Variants in COL11A1 observed in about 807,000 individuals in gnomAD.
COL11A1 encodes collagen type XI alpha 1 chain, also known as collagen alpha-1(XI) chain.
Under a neutral mutation model 265.2 loss-of-function variants are expected in COL11A1, and 74 were observed. That is an observed-to-expected ratio of 0.28 (90% confidence interval 0.23 to 0.34). COL11A1 has a LOEUF of 0.34. Among genes scored for constraint, COL11A1 ranks in the 10% least tolerant of loss-of-function variants. The probability of loss-of-function intolerance (pLI) is 1.00; values close to 1 mark genes in which losing one functional copy is unlikely to be tolerated. For synonymous variants in COL11A1, 816 were observed against 727.6 expected (o/e 1.12, Z -1.96); for missense variants, 2,165 against 2,263.6 (o/e 0.96, Z 0.88).
At chr1:102,938,487 T>C (rs1658380974) in intron 44 of COL11A1, among the ~76,000 whole-genome samples, 1 of 152,194 alleles carries the variant, frequency 6.6e-6, no homozygotes, top group Admixed American at 6.5e-5. Context: ...TATCATCATC[T>C]AACATATTTC....
intron 41 of COL11A1, chr1:102,961,649 C>T (rs1660919222): frequency 1.9e-6 from 1 of 514,912 alleles, no homozygotes; most frequent in Non-Finnish European, 3.5e-6. Context: ...CTTTTACCTC[C>T]TGACAGCAGC....
intron 4 of COL11A1, among the ~76,000 whole-genome samples, chr1:103,073,806 G>A (rs1384123785): frequency 6.6e-6 from 1 of 151,886 alleles, no homozygotes; most frequent in African/African-American, 2.4e-5. Flanking sequence ...ATATATGTGT[G>A]TGTACACATC....
chr1:102,945,096 A>C (rs1339578858), intron 42 of COL11A1, among the ~76,000 whole-genome samples: 1 of 152,190 alleles, frequency 6.6e-6, no homozygotes, highest in Non-Finnish European at 1.5e-5. Flanking sequence ...TCACCAAAAA[A>C]ACATCTTTTG....
chr1:102,908,584 A>T (rs1459467849), intron 54 of COL11A1, among the ~76,000 whole-genome samples: 1 of 152,130 alleles, frequency 6.6e-6, no homozygotes. Flanking sequence ...ATCTTTTTCC[A>T]TATAGAAAAT....
At position 102,970,968 on chromosome 1, in the gene COL11A1, G is replaced by T. The variant is rs369528223; in HGVS notation, c.2809-696C>A. Among the ~76,000 whole-genome samples, 7 of 151,938 alleles carry T rather than the reference G, an allele frequency of 4.6e-5. No individual in the cohort carries two copies. The East Asian group carries it at 1.4e-3, about 29-fold the overall frequency. On this transcript the variant is annotated intron_variant, in intron 36 of 66. Coordinates refer to ENST00000370096, the MANE Select transcript of COL11A1 (RefSeq NM_001854.4). ...GGCGGAGGTTGCAGTGAGCTGAGAT[G>T]GCGCCACTGCACTCCGAGCGAGACC...
At chr1:103,060,720 G>T (rs993193650) in intron 4 of COL11A1, among the ~76,000 whole-genome samples, 1 of 152,096 alleles carries the variant, frequency 6.6e-6, no homozygotes, top group Non-Finnish European at 1.5e-5. Flanking sequence ...CCAGCATTTT[G>T]GGAGGCCAAG....
At chr1:103,104,262 T>C (rs1467345400) in intron 1 of COL11A1, among the ~76,000 whole-genome samples, 1 of 152,086 alleles carries the variant, frequency 6.6e-6, no homozygotes, top group Non-Finnish European at 1.5e-5. Context: ...GAAGAGAATT[T>C]ATCCTAGGAA....
chr1:102,908,739 TA>T (rs1327631369), intron 54 of COL11A1, among the ~76,000 whole-genome samples: 7 of 152,068 alleles, frequency 4.6e-5, no homozygotes, highest in Admixed American at 1.3e-4. Context: ...TATATCTATA[TA>T]AAAAAATCAA....
intron 46 of COL11A1, among the ~76,000 whole-genome samples, chr1:102,925,118 A>C (rs890910412): frequency 6.6e-6 from 1 of 152,120 alleles, no homozygotes; most frequent in Non-Finnish European, 1.5e-5. Context: ...CTTTCGTGAC[A>C]TTACTGACTT....
intron 57 of COL11A1, 23 bp downstream of exon 57, chr1:102,898,102 A>G (rs748790490): frequency 1.3e-6 from 2 of 1,522,626 alleles, no homozygotes; most frequent in South Asian, 1.2e-5. Flanking sequence ...CACTTTTTAA[A>G]TGACTGAAAA....
chr1:102,935,142 TAAA>T, intron 44 of COL11A1, 29 bp from the exon 45 acceptor site: 1 of 1,598,246 alleles, frequency 6.3e-7, no homozygotes, highest in South Asian at 1.1e-5. Context: ...AAGTAATTTT[TAAA>T]GTGAAGCCAG....
At position 103,026,329 on chromosome 1, in the gene COL11A1, C is replaced by T. The variant is rs777664906; in HGVS notation, c.784G>A (p.Ala262Thr). The change falls in exon 6 of 67, where the codon GCA (alanine) becomes ACA (threonine). Residue 262 changes from alanine to threonine, a missense_variant. Coordinates refer to ENST00000370096, the MANE Select transcript of COL11A1 (RefSeq NM_001854.4). ...TCATATTCGATTATATCCTCTGGTG[C>T]ATACTACATTGCAAAGGAAAAAATA... ...QAQEPQIDEY[A>T]PEDIIEYDYE... The T allele has an allele frequency of 2.9e-5, 47 of 1,603,264 alleles. No homozygotes were observed. In the East Asian group the frequency reaches 8.3e-4, roughly 28 times the overall value.
At chr1:102,952,880 A>G (rs1320071928) in intron 41 of COL11A1, among the ~76,000 whole-genome samples, 1 of 152,230 alleles carries the variant, frequency 6.6e-6, no homozygotes, top group Admixed American at 6.5e-5. Flanking sequence ...GAATCACTGG[A>G]GAAGTTATAT....
intron 49 of COL11A1, among the ~76,000 whole-genome samples, 161 bp downstream of exon 49, chr1:102,920,150 C>A (rs1359316379): frequency 6.6e-6 from 1 of 152,010 alleles, no homozygotes; most frequent in Admixed American, 6.6e-5. Flanking sequence ...ATTGCAAAAT[C>A]ATTTTAACTT....
chr1:102,920,392 A>T, intron 48 of COL11A1, 28 bp from the exon 49 acceptor site: 1 of 1,594,862 alleles, frequency 6.3e-7, no homozygotes, highest in East Asian at 2.2e-5. Context: ...GAATGTAATT[A>T]TCCATATTCT....
At chr1:102,878,222 T>C in intron 66 of COL11A1, 57 bp from the exon 67 acceptor site, 1 of 1,476,854 alleles carries the variant, frequency 6.8e-7, no homozygotes, top group South Asian at 1.2e-5. Context: ...TTTAAATGCA[T>C]CTTATTTTTT....
At chr1:103,022,157 G>T (rs1380375894) in intron 8 of COL11A1, among the ~76,000 whole-genome samples, 1 of 140,916 alleles carries the variant, frequency 7.1e-6, no homozygotes, top group Non-Finnish European at 1.5e-5. Flanking sequence ...CACCCGGCCG[G>T]CCATTTGTTT....
intron 4 of COL11A1, among the ~76,000 whole-genome samples, chr1:103,064,806 T>A (rs1477493499): frequency 2.0e-5 from 3 of 146,814 alleles, no homozygotes; most frequent in African/African-American, 2.5e-5. Flanking sequence ...AACTAATACA[T>A]CCTGGAAAAG....
At chr1:103,051,325 C>T (rs184634459) in intron 4 of COL11A1, among the ~76,000 whole-genome samples, 1 of 152,322 alleles carries the variant, frequency 6.6e-6, no homozygotes, top group Non-Finnish European at 1.5e-5. Context: ...CCCAGCCTCG[C>T]TGCCACCTTG....
Sources: gnomAD v4.1 joint callset for allele counts (sites outside exome capture counted in the v4.1 genomes callset) on GRCh38, gnomAD v4.1.1 for gene constraint, MANE v1.5 for transcripts, NCBI Gene and HGNC (gene_info 2026-07-23, HGNC 2026-07-21) for gene names.